Variants in RPTOR observed in about 807,000 individuals in gnomAD.
RPTOR encodes the protein regulatory-associated protein of mTOR.
Under a neutral mutation model 169.9 loss-of-function variants are expected in RPTOR, and 21 were observed. The observed-to-expected ratio is 0.12, with a 90% CI of 0.09 to 0.18. The LOEUF (loss-of-function observed/expected upper bound fraction) is 0.18, where lower values mean the gene tolerates loss of function less well. Among genes scored for constraint, RPTOR ranks in the 10% least tolerant of loss-of-function variants. RPTOR has a pLI of 1.00. For missense variants in RPTOR, 1,133 were observed against 1,855.9 expected (o/e 0.61, Z 7.16); for synonymous variants, 732 against 753.2 (o/e 0.97, Z 0.46).
intron 2 of RPTOR, among the ~76,000 whole-genome samples, chr17:80,632,819 T>C (rs2065452140): frequency 6.6e-6 from 1 of 152,170 alleles, no homozygotes; most frequent in Non-Finnish European, 1.5e-5. Flanking sequence ...ATTTTTATTT[T>C]TGTGAGATAA....
In RPTOR at chr17:80,659,875, A is replaced by G. The variant is rs1567843450; in HGVS notation, c.348+16065A>G. 2.0e-5 allele frequency among the ~76,000 whole-genome samples: 3 copies of G among 152,232 alleles called. No homozygotes were observed. In the South Asian group the frequency reaches 6.2e-4, roughly 32 times the overall value. On this transcript the variant is annotated intron_variant, in intron 3 of 33. Transcript: ENST00000306801. The surrounding 1 kb of genome is among the most constrained non-coding windows in gnomAD (Gnocchi z 4.3). The stretch of plus-strand genomic sequence containing the variant: ...GTTGCTCAGGCTGGTCTCAAACTCC[A>G]GGGCTTAAGCAATCCTCCTGCCTTG...
chr17:80,870,862 G>A (rs2068044503), intron 13 of RPTOR, among the ~76,000 whole-genome samples: 1 of 152,188 alleles, frequency 6.6e-6, no homozygotes, highest in African/African-American at 2.4e-5. Flanking sequence ...AGTACAACAT[G>A]TTTGACACAA....
At chr17:80,757,927 T>C (rs1448265306) in intron 6 of RPTOR, among the ~76,000 whole-genome samples, 2 of 152,162 alleles carry the variant, frequency 1.3e-5, no homozygotes, top group African/African-American at 4.8e-5. Context: ...GTCTGATCCC[T>C]GTCCAAAGAG....
In RPTOR at chr17:80,724,504, C is replaced by G. The variant is rs944969542; in HGVS notation, c.508-6056C>G. On this transcript the variant is annotated intron_variant, in intron 4 of 33. Coordinates refer to ENST00000306801, the MANE Select transcript of RPTOR (RefSeq NM_020761.3). ...CCAAATCAGGTTTGGGTAAGGCCAC[C>G]TGGAGATCCATGTCCTTCAGCTGAT... Among the ~76,000 whole-genome samples the G allele has an allele frequency of 3.0e-4, 43 of 145,276 alleles. 1 individual carries two copies. Among genetic ancestry groups the G allele is most frequent in the Non-Finnish European group, 2.9e-5 (2 of 67,940 alleles).
intron 13 of RPTOR, among the ~76,000 whole-genome samples, chr17:80,864,662 G>A (rs564410337): frequency 3.3e-5 from 5 of 152,316 alleles, no homozygotes; most frequent in South Asian, 2.1e-4. Flanking sequence ...GCCTTGAGGA[G>A]AATACTCTTC....
At chr17:80,578,064 C>T (rs150049081) in intron 1 of RPTOR, among the ~76,000 whole-genome samples, 10 of 152,272 alleles carry the variant, frequency 6.6e-5, no homozygotes, top group East Asian at 1.9e-4. Flanking sequence ...TCTAAAGAAG[C>T]GCCCTCTTTA....
chr17:80,945,448 T>C (rs917137904), intron 25 of RPTOR: 8 of 363,890 alleles, frequency 2.2e-5, no homozygotes, highest in African/African-American at 6.4e-5. Context: ...AAAAATTAGC[T>C]GGGCATGGTG....
chr17:80,578,465 G>A (rs548369206), intron 1 of RPTOR, among the ~76,000 whole-genome samples: 7 of 152,298 alleles, frequency 4.6e-5, no homozygotes, highest in South Asian at 2.1e-4. Flanking sequence ...CAGGACAGAC[G>A]TGGCTGCTTT....
At chr17:80,933,288 AC>A (rs1208402957) in intron 24 of RPTOR, among the ~76,000 whole-genome samples, 3 of 152,240 alleles carry the variant, frequency 2.0e-5, no homozygotes, top group Non-Finnish European at 4.4e-5. Flanking sequence ...GCAGTATTGT[AC>A]CCACAAGCTC....
chr17:80,600,364 C>A (rs1250968672), intron 1 of RPTOR, among the ~76,000 whole-genome samples: 1 of 152,156 alleles, frequency 6.6e-6, no homozygotes, highest in Non-Finnish European at 1.5e-5. Flanking sequence ...TCTTTGGGCC[C>A]CCAGACTTCT....
At chr17:80,855,917 C>A (rs371884473) in intron 12 of RPTOR, among the ~76,000 whole-genome samples, 77 of 152,298 alleles carry the variant, frequency 5.1e-4, no homozygotes, top group African/African-American at 1.8e-3. Context: ...GCTGCTTCCC[C>A]CAGGAGGAGT....
At chr17:80,631,189 C>T (rs1424461411) in intron 2 of RPTOR, among the ~76,000 whole-genome samples, 3 of 152,114 alleles carry the variant, frequency 2.0e-5, no homozygotes, top group Non-Finnish European at 4.4e-5. Flanking sequence ...GTCTGTACCT[C>T]CTCCCACTCC....
intron 5 of RPTOR, among the ~76,000 whole-genome samples, chr17:80,731,129 T>C (rs948678608): frequency 6.6e-6 from 1 of 152,190 alleles, no homozygotes; most frequent in African/African-American, 2.4e-5. Flanking sequence ...CGCGTGTGCC[T>C]CAGCCTGCAA....
At position 80,726,027 on chromosome 17, in the gene RPTOR, T is replaced by G. The variant is rs1021899057; in HGVS notation, c.508-4533T>G. On this transcript the variant is annotated intron_variant, in intron 4 of 33. Coordinates refer to ENST00000306801, the MANE Select transcript of RPTOR (RefSeq NM_020761.3). This position sits in a 1 kb window ranked among gnomAD's most constrained non-coding sequence, Gnocchi z 4.5. ...GTGGCTGGGTGGTGCTGCGGAAGAT[T>G]GTGTGGTGCACAGGGCAGCCCCACA... 2.0e-5 allele frequency among the ~76,000 whole-genome samples: 3 copies of G among 152,064 alleles called. No individual in the cohort carries two copies. Among genetic ancestry groups the G allele is most frequent in the Admixed American group, 2.0e-4 (3 of 15,280 alleles).
chr17:80,545,853 GC>G, intron 1 of RPTOR, 62 bp downstream of exon 1: 1 of 1,411,144 alleles, frequency 7.1e-7, no homozygotes, highest in Non-Finnish European at 9.6e-7. Flanking sequence ...AAAGTTTACA[GC>G]CCGAAAAGTG....
intron 3 of RPTOR, among the ~76,000 whole-genome samples, chr17:80,692,738 T>C (rs2066003554): frequency 6.6e-6 from 1 of 152,204 alleles, no homozygotes; most frequent in African/African-American, 2.4e-5. Context: ...GTTAGGATTA[T>C]AGGCATGAGC....
At position 80,878,275 on chromosome 17, in the gene RPTOR, G is replaced by A. The variant is rs1226276079; in HGVS notation, c.1510-2140G>A. On this transcript the variant is annotated intron_variant, in intron 13 of 33. Coordinates refer to ENST00000306801, the MANE Select transcript of RPTOR (RefSeq NM_020761.3). This position sits in a 1 kb window ranked among gnomAD's most constrained non-coding sequence, Gnocchi z 4.1. ...CCTCTCCAAGAAACACAGCATCCAT[G>A]ATTTGTACATCGCACTGCAGTTTCA... is the stretch of plus-strand genomic sequence containing the variant. Among the ~76,000 whole-genome samples the A allele has an allele frequency of 1.3e-5, 2 of 152,160 alleles. No individual in the cohort carries two copies. Among genetic ancestry groups the A allele is most frequent in the Admixed American group, 1.3e-4 (2 of 15,286 alleles).
chr17:80,694,778 C>T (rs2066022384), intron 3 of RPTOR, among the ~76,000 whole-genome samples: 2 of 152,228 alleles, frequency 1.3e-5, no homozygotes, highest in South Asian at 2.1e-4. Flanking sequence ...TGCCTCCATC[C>T]ACCCCATTCT....
chr17:80,609,967 T>A lies in RPTOR; in HGVS notation c.163-15724T>A, dbSNP rs1444639319. On this transcript the variant is annotated intron_variant, in intron 1 of 33. Coordinates refer to ENST00000306801, the MANE Select transcript of RPTOR (RefSeq NM_020761.3). This position sits in a 1 kb window ranked among gnomAD's most constrained non-coding sequence, Gnocchi z 4.8. ...GCCTGCTGGGTCCTGGAACGAGGCC[T>A]TCCAGCAAGTCGGTTCTCACGTCAA... Among the ~76,000 whole-genome samples, 3 of 152,148 alleles carry A rather than the reference T, an allele frequency of 2.0e-5. No homozygotes were observed. Among genetic ancestry groups the A allele is most frequent in the African/African-American group, 7.2e-5 (3 of 41,442 alleles).
Sources: gnomAD v4.1 joint callset for allele counts (sites outside exome capture counted in the v4.1 genomes callset) on GRCh38, gnomAD v4.1.1 for gene constraint, Gnocchi (gnomAD v3.1) non-coding constraint, MANE v1.5 for transcripts, NCBI Gene and HGNC (gene_info 2026-07-23, HGNC 2026-07-21) for gene names.